PXYLP1: variants seen among roughly 807,000 people sequenced by gnomAD.
PXYLP1 encodes the protein acid phosphatase-like 2.
Under a neutral mutation model 37.9 loss-of-function variants are expected in PXYLP1, and 17 were observed. The ratio of observed to expected loss-of-function variants is 0.45; its 90% CI spans 0.31 to 0.67. PXYLP1 has a LOEUF of 0.67. Among genes scored for constraint, PXYLP1 ranks in the 30% least tolerant of loss-of-function variants. PXYLP1 has a pLI of 0.07. For synonymous variants in PXYLP1, 221 were observed against 232.2 expected, an observed-to-expected ratio of 0.95 and a Z score of 0.44; for missense variants, 511 against 612.0, an observed-to-expected ratio of 0.84 and a Z score of 1.74.
intron 1 of PXYLP1, chr3:141,235,329 A>G (rs1013730413): frequency 3.3e-5 from 5 of 152,348 alleles, no homozygotes; most frequent in African/African-American, 1.2e-4. Flanking sequence ...CCTTTTGGAA[A>G]TAATGGCTTG....
At chr3:141,248,285 G>A (rs553158602) in intron 1 of PXYLP1, among the ~76,000 whole-genome samples, 4 of 151,740 alleles carry the variant, frequency 2.6e-5, no homozygotes, top group South Asian at 2.1e-4. Context: ...CACCTGCCCC[G>A]GCCTCAAAGT....
chr3:141,287,833 A>G (rs1419551253), intron 5 of PXYLP1, among the ~76,000 whole-genome samples: 1 of 152,180 alleles, frequency 6.6e-6, no homozygotes, highest in Non-Finnish European at 1.5e-5. Context: ...CCACTCAACA[A>G]CACATTTTGT....
rs534868637 is a variant in PXYLP1 at position 141,281,690 on chromosome 3, A to G, written c.365+2186A>G. ...ATGGGGTGGCAGATCAGGGAAGGCC[A>G]CACAGAGAAAGGGACCAGAAAGGTG... is the stretch of plus-strand genomic sequence containing the variant. On this transcript the variant is annotated intron_variant, in intron 4 of 5. Coordinates refer to ENST00000286353, the MANE Select transcript of PXYLP1 (RefSeq NM_001037172.3). Among the ~76,000 whole-genome samples, 14 of 152,338 alleles carry G rather than the reference A, an allele frequency of 9.2e-5. No homozygotes were observed. The South Asian group carries it at 2.9e-3, about 32-fold the overall frequency.
chr3:141,277,264 C>T (rs906096521), intron 2 of PXYLP1, among the ~76,000 whole-genome samples: 3 of 152,020 alleles, frequency 2.0e-5, no homozygotes, highest in South Asian at 2.1e-4. Context: ...ATTGTTCGTG[C>T]GCATGTGTAG....
intron 3 of PXYLP1, 106 bp from the exon 4 acceptor site, chr3:141,279,272 G>A (rs982729645): frequency 6.5e-5 from 95 of 1,452,978 alleles, no homozygotes; most frequent in East Asian, 9.2e-5. Context: ...TGCTGCCTCC[G>A]GCTCAGATTC....
intron 1 of PXYLP1, among the ~76,000 whole-genome samples, chr3:141,257,019 T>G (rs1219196074): frequency 1.3e-5 from 2 of 152,186 alleles, no homozygotes; most frequent in African/African-American, 4.8e-5. Flanking sequence ...CGTATTTAAA[T>G]CTAAAACTAA....
intron 2 of PXYLP1, among the ~76,000 whole-genome samples, chr3:141,263,647 T>C (rs1005873272): frequency 2.6e-5 from 4 of 152,242 alleles, no homozygotes; most frequent in Non-Finnish European, 5.9e-5. Context: ...TTCTTAATGC[T>C]GATTTTATGC....
chr3:141,256,593 CT>C (rs1941268449), intron 1 of PXYLP1, among the ~76,000 whole-genome samples: 1 of 152,248 alleles, frequency 6.6e-6, no homozygotes, highest in African/African-American at 2.4e-5. Flanking sequence ...CTAGCTTCAG[CT>C]GCAAACTTCT....
intron 2 of PXYLP1, among the ~76,000 whole-genome samples, chr3:141,270,677 C>T (rs545013082): frequency 2.2e-4 from 34 of 152,254 alleles, no homozygotes; most frequent in Non-Finnish European, 4.1e-4. Context: ...GACGCTATCT[C>T]AGATAAGCTG....
chr3:141,274,219 G>C, intron 2 of PXYLP1: 1 of 1,136,584 alleles, frequency 8.8e-7, no homozygotes, highest in Non-Finnish European at 1.1e-6. Context: ...CTCAAGAGCT[G>C]ATGTGGTGAG....
At chr3:141,238,225 A>G (rs1228868538) in intron 1 of PXYLP1, among the ~76,000 whole-genome samples, 2 of 152,164 alleles carry the variant, frequency 1.3e-5, no homozygotes, top group African/African-American at 4.8e-5. Flanking sequence ...TCTTGACCCA[A>G]AGAAACTATG....
intron 2 of PXYLP1, among the ~76,000 whole-genome samples, chr3:141,274,864 G>A (rs1463607220): frequency 6.6e-6 from 1 of 152,202 alleles, no homozygotes; most frequent in African/African-American, 2.4e-5. Context: ...CAGTTACAGT[G>A]TTGGTCAGAT....
At chr3:141,274,510 T>A (rs1941744008) in intron 2 of PXYLP1, 2 of 1,506,100 alleles carry the variant, frequency 1.3e-6, no homozygotes, top group Non-Finnish European at 1.8e-6. Flanking sequence ...CTGGGAAGCC[T>A]GTTTGGATGC....
Position 141,248,656 on chromosome 3 carries a change from C to CGT in PXYLP1, c.-53-11466_-53-11465dup, listed in dbSNP as rs1490884420. 5.3e-5 allele frequency among the ~76,000 whole-genome samples: 5 copies of CGT among 93,926 alleles called. 1 individual carries two copies. In the East Asian group the frequency reaches 1.3e-3, roughly 25 times the overall value. The allele number at this position is 93,926 out of a possible 152,430, so 61.6% of individuals were successfully genotyped here. A position where few individuals can be genotyped will look rare whatever the true frequency, so the allele number is the denominator to read the frequency against. Reference sequence around the variant, plus strand: ...ATATACACACGTGTATATATACACACGTATATATACACACACGTGTATATA... The same window carrying CGT: ...ATATACACACGTGTATATATACACACGTGTATATATACACACACGTGTATATA... On this transcript the variant is annotated intron_variant, in intron 1 of 5. Transcript: ENST00000286353.
intron 4 of PXYLP1, 87 bp from the exon 5 acceptor site, chr3:141,287,227 C>G: frequency 2.1e-6 from 3 of 1,449,514 alleles, no homozygotes; most frequent in Non-Finnish European, 2.9e-6. Flanking sequence ...GGCTGCGATA[C>G]ACGTGGGATT....
At chr3:141,274,240 C>T in intron 2 of PXYLP1, 1 of 1,227,434 alleles carries the variant, frequency 8.1e-7, no homozygotes, top group Middle Eastern at 3.4e-4. Flanking sequence ...TAGCACAGCA[C>T]CAGGGCAGAG....
At chr3:141,241,898 C>T (rs1228162731) in intron 1 of PXYLP1, among the ~76,000 whole-genome samples, 2 of 152,154 alleles carry the variant, frequency 1.3e-5, no homozygotes, top group Admixed American at 1.3e-4. Context: ...TGTGCCGTCA[C>T]GTCTTGTGCC....
rs553440183 is a variant in PXYLP1 at position 141,279,872 on chromosome 3, C to T, written c.365+368C>T. ...AAGCCCCTTAGTGTCCTCTGAGCCT[C>T]AGCCTCCTACCTCTGAAACGGGGAT... On this transcript the variant is annotated intron_variant, in intron 4 of 5. Transcript: ENST00000286353. Among the ~76,000 whole-genome samples, 15 of 152,376 alleles carry T rather than the reference C, an allele frequency of 9.8e-5. No homozygotes were observed. The South Asian group carries it at 3.1e-3, about 32-fold the overall frequency.
intron 1 of PXYLP1, chr3:141,232,534 G>C (rs965080396): frequency 6.6e-6 from 1 of 152,308 alleles, no homozygotes; most frequent in Non-Finnish European, 1.5e-5. Flanking sequence ...TCCCGGGCCT[G>C]GCCACGGGGC....
Sources: gnomAD v4.1 joint callset for allele counts (sites outside exome capture counted in the v4.1 genomes callset) on GRCh38, gnomAD v4.1.1 for gene constraint, MANE v1.5 for transcripts, NCBI Gene and HGNC (gene_info 2026-07-23, HGNC 2026-07-21) for gene names.